SLC25A40: variants seen among roughly 807,000 people sequenced by gnomAD.
SLC25A40 encodes the protein solute carrier family 25 member 40, also known as mitochondrial glutathione transporter SLC25A40.
A neutral mutation model predicts 46.5 loss-of-function variants in SLC25A40; 41 were observed. That is an observed-to-expected ratio of 0.88 (90% confidence interval 0.69 to 1.14). SLC25A40 has a LOEUF of 1.14. Among genes scored for constraint, SLC25A40 ranks in the 50% most tolerant of loss-of-function variants. SLC25A40 has a pLI of 0.00. For synonymous variants in SLC25A40, 126 were observed against 127.5 expected (o/e 0.99, Z 0.08); for missense variants, 386 against 393.6 (o/e 0.98, Z 0.16).
Position 87,856,328 on chromosome 7 carries a change from T to C in SLC25A40, c.121A>G (p.Ile41Val). 6.2e-7 allele frequency: 1 copy of C among 1,613,446 alleles called. No homozygotes were observed. The highest frequency in any genetic ancestry group is 8.5e-7 in the Non-Finnish European group (1 of 1,179,516). The change falls in exon 4 of 12, where the codon ATT (isoleucine) becomes GTT (valine). Residue 41 changes from isoleucine to valine, a missense_variant. Physicochemically the swap from Ile to Val is conservative, Grantham distance 29. Transcript: ENST00000341119. Reference sequence around the variant, plus strand: ...GGGTTGTTTTGGGCTTGGAGTCTAATTTTAACAACATCCAGGGGTGTCACT... The same window carrying C: ...GGGTTGTTTTGGGCTTGGAGTCTAACTTTAACAACATCCAGGGGTGTCACT... ...VIVTPLDVVK[I>V]RLQAQNNPLP...
intron 8 of SLC25A40, among the ~76,000 whole-genome samples, chr7:87,845,900 T>C (rs553941835): frequency 5.7e-4 from 86 of 152,184 alleles, no homozygotes; most frequent in Admixed American, 1.6e-3. Context: ...GGTAGGTATG[T>C]AGATCATACA....
chr7:87,869,848 T>A (rs1838868644), intron 1 of SLC25A40, among the ~76,000 whole-genome samples: 2 of 152,230 alleles, frequency 1.3e-5, no homozygotes, highest in South Asian at 4.1e-4. Context: ...ATGGTAAATG[T>A]ATGTTTAACG....
intron 1 of SLC25A40, among the ~76,000 whole-genome samples, chr7:87,872,487 GGAA>G (rs1391132109): frequency 6.6e-6 from 1 of 152,164 alleles, no homozygotes; most frequent in East Asian, 1.9e-4. Context: ...AGATGATAGA[GGAA>G]GAAGAAAACC....
At position 87,875,607 on chromosome 7, in the gene SLC25A40, C is replaced by T. The variant is rs187589671; in HGVS notation, c.-94+489G>A. Among the ~76,000 whole-genome samples, 102 of 151,156 alleles carry T rather than the reference C, an allele frequency of 6.7e-4. No homozygotes were observed. In the East Asian group the frequency reaches 0.018, roughly 27 times the overall value. On this transcript the variant is annotated intron_variant, in intron 1 of 11. Transcript: ENST00000341119. ...TATAAAATTAAAATATATTCACAAG[C>T]ATTTTAATTTGATCTTTAATCTCTG...
At chr7:87,872,138 T>C (rs1013724153) in intron 1 of SLC25A40, among the ~76,000 whole-genome samples, 9 of 152,224 alleles carry the variant, frequency 5.9e-5, no homozygotes, top group Admixed American at 2.6e-4. Context: ...ACAGGAATCA[T>C]AACCTCTTAC....
At chr7:87,845,877 C>A (rs983685559) in intron 8 of SLC25A40, among the ~76,000 whole-genome samples, 3 of 152,018 alleles carry the variant, frequency 2.0e-5, no homozygotes, top group African/African-American at 7.2e-5. Context: ...AGCAGAAAAT[C>A]TCTTACATTG....
rs1028127088 is a variant in SLC25A40, at chr7:87,870,465, T to C, written c.-94+5631A>G. On this transcript the variant is annotated intron_variant, in intron 1 of 11. Transcript: ENST00000341119. ...TGATAGGGACAAGAGGCAGATAAAT[T>C]CTGGGCATAAGAGGGCAGATCCCCA... Among the ~76,000 whole-genome samples the C allele has an allele frequency of 3.3e-5, 5 of 152,108 alleles. No homozygotes were observed. In the East Asian group the frequency reaches 9.6e-4, roughly 29 times the overall value.
intron 9 of SLC25A40, 93 bp downstream of exon 9, chr7:87,843,661 G>A: frequency 1.1e-6 from 1 of 871,250 alleles, no homozygotes. Context: ...TGCAGCCAAA[G>A]TGGATCTCAA....
At chr7:87,861,949 T>C in intron 1 of SLC25A40, among the ~76,000 whole-genome samples, 1 of 152,114 alleles carries the variant, frequency 6.6e-6, no homozygotes, top group Admixed American at 6.6e-5. Flanking sequence ...AATTATCTCC[T>C]AAAATCATGT....
rs771644866 is a variant in SLC25A40, at chr7:87,855,688, C to G, written c.157+604G>C. ...TACCAGGGCTGTTCATTCCATCTCACCACTCTGAATTCAACACAGTGGCTT... is the reference window on the plus strand; with the variant it reads ...TACCAGGGCTGTTCATTCCATCTCAGCACTCTGAATTCAACACAGTGGCTT... On this transcript the variant is annotated intron_variant, in intron 4 of 11. Transcript: ENST00000341119. 4.9e-4 allele frequency among the ~76,000 whole-genome samples: 75 copies of G among 152,188 alleles called. 3 individuals are homozygous for G. The highest frequency in any genetic ancestry group is 4.8e-5 in the African/African-American group (2 of 41,444).
intron 1 of SLC25A40, among the ~76,000 whole-genome samples, chr7:87,872,708 TC>T (rs1334711868): frequency 9.2e-5 from 14 of 152,332 alleles, no homozygotes; most frequent in Middle Eastern, 3.4e-3. Context: ...ACGCTTGTAA[TC>T]CTAGCACTTT....
At chr7:87,875,726 TAA>T (rs1838991377) in intron 1 of SLC25A40, among the ~76,000 whole-genome samples, 1 of 152,046 alleles carries the variant, frequency 6.6e-6, no homozygotes, top group Non-Finnish European at 1.5e-5. Flanking sequence ...CTGAATACAA[TAA>T]AAGTCAACAG....
chr7:87,858,314 T>C (rs28449354), intron 3 of SLC25A40, among the ~76,000 whole-genome samples: 21,953 of 152,114 alleles, frequency 0.14, 2,537 homozygotes, highest in African/African-American at 0.32. Flanking sequence ...AGCATGTGAT[T>C]TTTGTTCTCC....
intron 5 of SLC25A40, among the ~76,000 whole-genome samples, chr7:87,853,671 T>G (rs1441989036): frequency 2.0e-5 from 3 of 152,262 alleles, no homozygotes; most frequent in Admixed American, 1.3e-4. Flanking sequence ...ATGTAAAAAA[T>G]GCCAACCCCA....
At chr7:87,856,221 A>T in intron 4 of SLC25A40, 71 bp downstream of exon 4, 2 of 1,288,598 alleles carry the variant, frequency 1.6e-6, no homozygotes, top group Non-Finnish European at 1.1e-6. Context: ...AATGAATGTT[A>T]GGCAAAAAAA....
At chr7:87,864,602 G>A (rs1019648218) in intron 1 of SLC25A40, among the ~76,000 whole-genome samples, 1 of 152,102 alleles carries the variant, frequency 6.6e-6, no homozygotes, top group Non-Finnish European at 1.5e-5. Flanking sequence ...TTGACTAGTA[G>A]CCTATTTTAC....
rs1838370035 is a variant in SLC25A40, at chr7:87,843,731, TAAC to T, written c.741+20_741+22del. ...TACAACAATTATTCTTCTGGAATATTAACAACAAAAGAATAAACTTACAGAACC... is the reference window on the plus strand; with the variant it reads ...TACAACAATTATTCTTCTGGAATATTAACAAAAGAATAAACTTACAGAACC... On this transcript the variant is annotated intron_variant, in intron 9 of 11. Coordinates refer to ENST00000341119, the MANE Select transcript of SLC25A40 (RefSeq NM_018843.4). 6.6e-7 allele frequency: 1 copy of T among 1,523,230 alleles called. No homozygotes were observed. The highest frequency in any genetic ancestry group is 9.1e-7 in the Non-Finnish European group (1 of 1,102,360). 94.4% of individuals were successfully genotyped at this position (1,523,230 alleles called of 1,614,324 possible).
At position 87,858,701 on chromosome 7, in the gene SLC25A40, C is replaced by T. The variant is rs757820939; in HGVS notation, c.27G>A (p.Glu9=). The T allele has an allele frequency of 2.5e-5, 40 of 1,612,644 alleles. No homozygotes were observed. The highest frequency in any genetic ancestry group is 3.3e-5 in the Non-Finnish European group (39 of 1,178,812). Residue 9 remains glutamate, a synonymous_variant, in exon 3 of 12, where the codon GAG becomes GAA. Coordinates refer to ENST00000341119, the MANE Select transcript of SLC25A40 (RefSeq NM_018843.4). Reference sequence around the variant, plus strand: ...GTTGAAGAGGTGTCACTTTGATAATCTCTTGTCCCCTTGTCTCAGGATCCA... The same window carrying T: ...GTTGAAGAGGTGTCACTTTGATAATTTCTTGTCCCCTTGTCTCAGGATCCA... The part of the protein sequence containing the change: MDPETRGQ[E]IIKVTPLQQM...
At chr7:87,866,075 C>G (rs1838793130) in intron 1 of SLC25A40, among the ~76,000 whole-genome samples, 1 of 150,736 alleles carries the variant, frequency 6.6e-6, no homozygotes, top group Admixed American at 6.6e-5. Flanking sequence ...AGAACAAAAC[C>G]CTCTCTAGGA....
Sources: gnomAD v4.1 joint callset for allele counts (sites outside exome capture counted in the v4.1 genomes callset) on GRCh38, gnomAD v4.1.1 for gene constraint, MANE v1.5 for transcripts, NCBI Gene and HGNC (gene_info 2026-07-23, HGNC 2026-07-21) for gene names.